Variants in CCNF observed in about 807,000 individuals in gnomAD.
CCNF encodes the protein cyclin F.
CCNF carries 30 observed loss-of-function variants against 85.4 expected under a neutral mutation model. The observed-to-expected ratio is 0.35, with a 90% CI of 0.26 to 0.48. The LOEUF is 0.48. Ranked by LOEUF, CCNF falls within the 20% of genes least tolerant of loss-of-function variation. The probability of loss-of-function intolerance (pLI) is 0.99; values close to 1 mark genes in which losing one functional copy is unlikely to be tolerated. For synonymous variants in CCNF, 439 were observed against 425.1 expected (o/e 1.03, Z -0.40); for missense variants, 919 against 1,010.4 (o/e 0.91, Z 1.23).
rs562145171 is a variant in CCNF, at chr16:2,458,253, C to CTTTTT, written c.*1247_*1251dup. 538 of 130,322 alleles carry CTTTTT rather than the reference C, an allele frequency of 4.1e-3. 4 individuals carry two copies. The highest frequency in any genetic ancestry group is 0.014 in the African/African-American group (501 of 35,142). 8.1% of individuals were successfully genotyped at this position (130,322 alleles called of 1,614,324 possible). On this transcript the variant is annotated 3_prime_UTR_variant, in exon 17 of 17. Coordinates refer to ENST00000397066, the MANE Select transcript of CCNF (RefSeq NM_001761.3). Reference sequence around the variant, plus strand: ...CTTGGCCAGAAGTGTCCCCCAGATGCTTTTTTTTTTTTTTTTTTGGAGACA... The same window carrying CTTTTT: ...CTTGGCCAGAAGTGTCCCCCAGATGCTTTTTTTTTTTTTTTTTTTTTTTGGAGACA...
intron 1 of CCNF, among the ~76,000 whole-genome samples, chr16:2,429,792 C>G (rs534513041): frequency 7.1e-6 from 1 of 141,468 alleles, no homozygotes; most frequent in African/African-American, 3.1e-5. Context: ...CGATCGGGTC[C>G]CGGGGCGGCG....
At chr16:2,430,883 C>T (rs762977300) in intron 1 of CCNF, 3 of 654,074 alleles carry the variant, frequency 4.6e-6, no homozygotes, top group East Asian at 3.0e-5. Flanking sequence ...ACATGACATG[C>T]GCTATTTGCC....
intron 13 of CCNF, 78 bp downstream of exon 13, chr16:2,449,993 G>C: frequency 9.8e-7 from 1 of 1,017,760 alleles, no homozygotes; most frequent in Non-Finnish European, 1.6e-6. Context: ...GATCATTTGA[G>C]GTCAGGAGTT....
At position 2,445,630 on chromosome 16, in the gene CCNF, G is replaced by GC; in HGVS notation, c.1094+13dup. 1 of 1,609,204 alleles carries GC rather than the reference G, an allele frequency of 6.2e-7. No individual in the cohort carries two copies. Among genetic ancestry groups the GC allele is most frequent in the South Asian group, 1.1e-5 (1 of 90,940 alleles). The stretch of plus-strand genomic sequence containing the variant: ...CATGGTCATCTGCACCCGGTGAGAA[G>GC]CCCCCTTGGCCCAGCTGGCAGGGAC... On this transcript the variant is annotated intron_variant, in intron 10 of 16. Coordinates refer to ENST00000397066, the MANE Select transcript of CCNF (RefSeq NM_001761.3).
At chr16:2,455,071 A>C (rs1355730372) in intron 15 of CCNF, among the ~76,000 whole-genome samples, 2 of 151,272 alleles carry the variant, frequency 1.3e-5, no homozygotes, top group African/African-American at 4.9e-5. Context: ...AAAAAAAAAA[A>C]AAAAAAAAAA....
Position 2,432,994 on chromosome 16 carries a change from C to G in CCNF, c.205C>G (p.His69Asp), listed in dbSNP as rs369245530. ...CCAGCTGAAGGACCTGGTGGACAAC[C>G]ACGCCAGTGTGTGGGCATGTGCCAG... ...HSQLKDLVDN[H>D]ASVWACASFQ... is the part of the protein sequence containing the mutation. The change falls in exon 3 of 17, where the codon CAC becomes GAC. Residue 69 changes from histidine (H) to aspartate (D), a missense_variant. His to Asp is a moderately conservative substitution (Grantham distance 81). Around this residue, in one of 3 missense-constraint regions of CCNF, gnomAD observed 410 missense variants for 478.6 expected, o/e 0.86. Coordinates refer to ENST00000397066, the MANE Select transcript of CCNF (RefSeq NM_001761.3). 5 of 1,610,098 alleles carry G rather than the reference C, an allele frequency of 3.1e-6. No homozygotes were observed. The African/African-American group carries it at 5.3e-5, about 17-fold the overall frequency.
rs2065397763 is a variant in CCNF at position 2,451,969 on chromosome 16, C to T, written c.1488-1241C>T. 6.6e-6 allele frequency among the ~76,000 whole-genome samples: 1 copy of T among 152,248 alleles called. No homozygotes were observed. The highest frequency in any genetic ancestry group is 6.5e-5 in the Admixed American group (1 of 15,292). On this transcript the variant is annotated intron_variant, in intron 13 of 16. Transcript: ENST00000397066. The surrounding 1 kb of genome is among the most constrained non-coding windows in gnomAD (Gnocchi z 4.3). ...GCCAACGGCCTGTTGCCTGTTCTGG[C>T]CCTGGTGGGTCGTGGTGCATGAAGC... is the stretch of plus-strand genomic sequence containing the variant.
chr16:2,456,576 C>A lies in CCNF; in HGVS notation c.1917C>A (p.Thr639=). 6.4e-7 allele frequency: 1 copy of A among 1,559,656 alleles called. No individual in the cohort carries two copies. Among genetic ancestry groups the A allele is most frequent in the Admixed American group, 2.0e-5 (1 of 50,440 alleles). The change falls in exon 17 of 17, where the codon ACC becomes ACA. Residue 639 remains threonine, a synonymous_variant. Transcript: ENST00000397066. This position sits in a 1 kb window ranked among gnomAD's most constrained non-coding sequence, Gnocchi z 4.5. Reference sequence around the variant, plus strand: ...CTCCCAGCGGCATCCTCGATGTCACCGTGGTCTACCTGAACCCAGAACAGC... The same window carrying A: ...CTCCCAGCGGCATCCTCGATGTCACAGTGGTCTACCTGAACCCAGAACAGC... ...VTAPSGILDV[T]VVYLNPEQHC...
chr16:2,455,284 A>G, intron 15 of CCNF, 111 bp from the exon 16 acceptor site: 1 of 1,333,134 alleles, frequency 7.5e-7, no homozygotes, highest in Admixed American at 2.8e-5. Context: ...AACCTTTGGG[A>G]GCACGTGGTG....
At chr16:2,443,877 T>TA in intron 9 of CCNF, 77 bp downstream of exon 9, 1 of 1,379,924 alleles carries the variant, frequency 7.2e-7, no homozygotes, top group Non-Finnish European at 1.0e-6. Context: ...CCTTTCCACT[T>TA]AACCCCAGTT....
At position 2,453,143 on chromosome 16, in the gene CCNF, A is replaced by G. The variant is rs2065403973; in HGVS notation, c.1488-67A>G. 7.4e-7 allele frequency: 1 copy of G among 1,359,204 alleles called. No individual in the cohort carries two copies. The highest frequency in any genetic ancestry group is 1.1e-6 in the Non-Finnish European group (1 of 949,082). 84.2% of individuals were successfully genotyped at this position (1,359,204 alleles called of 1,614,324 possible). On this transcript the variant is annotated intron_variant, in intron 13 of 16. Coordinates refer to ENST00000397066, the MANE Select transcript of CCNF (RefSeq NM_001761.3). The surrounding 1 kb of genome is among the most constrained non-coding windows in gnomAD (Gnocchi z 5.6). ...ATTTTGCATTCTCATTGCTCACTTC[A>G]GTGAACTGAAGCTAAAAATGGGGTG...
In CCNF at chr16:2,439,783, G is replaced by A. The variant is rs769252336; in HGVS notation, c.734G>A (p.Arg245Gln). Residue 245 changes from arginine (R) to glutamine (Q), a missense_variant, in exon 8 of 17, where the codon CGA (arginine) becomes CAA (glutamine). Physicochemically the swap from Arg to Gln is conservative, Grantham distance 43. Around this residue, in one of 3 missense-constraint regions of CCNF, gnomAD observed 410 missense variants for 478.6 expected, o/e 0.86. Coordinates refer to ENST00000397066, the MANE Select transcript of CCNF (RefSeq NM_001761.3). ...CCTGGGCGATGCCTCCACAGCTTCC[G>A]AAAACTCAGGGACTACGCTGCCAAA... Reference protein sequence around the residue: ...SDPGRCLHSFRKLRDYAAKGC... With the variant: ...SDPGRCLHSFQKLRDYAAKGC... The A allele has an allele frequency of 3.1e-6, 5 of 1,614,054 alleles. No homozygotes were observed. Among genetic ancestry groups the A allele is most frequent in the Non-Finnish European group, 3.4e-6 (4 of 1,180,022 alleles).
rs755137166 is a variant in CCNF, at chr16:2,453,384, ACCC to A, written c.1588-23_1588-21del. On this transcript the variant is annotated intron_variant, in intron 14 of 16. Transcript: ENST00000397066. This position sits in a 1 kb window ranked among gnomAD's most constrained non-coding sequence, Gnocchi z 5.6. ...CGGGCCTCACCCTCGGGGCCTCTGCACCCCCTAACTCTAGCTTCCCCTCAGGTG... is the reference window on the plus strand; with the variant it reads ...CGGGCCTCACCCTCGGGGCCTCTGCACCTAACTCTAGCTTCCCCTCAGGTG... The A allele has an allele frequency of 1.9e-6, 3 of 1,613,424 alleles. No individual in the cohort carries two copies. Among genetic ancestry groups the A allele is most frequent in the Middle Eastern group, 1.7e-4 (1 of 6,060 alleles).
At chr16:2,431,696 AAAGG>A (rs2065263687) in intron 2 of CCNF, among the ~76,000 whole-genome samples, 1 of 151,520 alleles carries the variant, frequency 6.6e-6, no homozygotes, top group Non-Finnish European at 1.5e-5. Flanking sequence ...AAAAAAAAAA[AAAGG>A]AGGGCAAAAA....
chr16:2,451,157 C>T lies in CCNF; in HGVS notation c.1487+1242C>T, dbSNP rs903157255. ...CATGAAGTCCCTACCGTGGTCCAGG[C>T]GCTGGGGGAGAGGGCAGGACAGAGA... On this transcript the variant is annotated intron_variant, in intron 13 of 16. Transcript: ENST00000397066. This position sits in a 1 kb window ranked among gnomAD's most constrained non-coding sequence, Gnocchi z 4.3. Among the ~76,000 whole-genome samples the T allele has an allele frequency of 6.6e-6, 1 of 152,216 alleles. No homozygotes were observed. The highest frequency in any genetic ancestry group is 6.5e-5 in the Admixed American group (1 of 15,286).
intron 9 of CCNF, among the ~76,000 whole-genome samples, chr16:2,445,081 C>T (rs1336606047): frequency 2.6e-5 from 4 of 152,056 alleles, no homozygotes; most frequent in African/African-American, 7.2e-5. Context: ...CATCATTTAC[C>T]GTATTGGGGC....
At chr16:2,434,806 TTC>T (rs2065279599) in intron 3 of CCNF, among the ~76,000 whole-genome samples, 1 of 152,180 alleles carries the variant, frequency 6.6e-6, no homozygotes, top group African/African-American at 2.4e-5. Flanking sequence ...CTAATTGATT[TTC>T]TGTCTCTCCG....
At chr16:2,440,740 C>T (rs919187126) in intron 8 of CCNF, among the ~76,000 whole-genome samples, 1 of 152,110 alleles carries the variant, frequency 6.6e-6, no homozygotes, top group Non-Finnish European at 1.5e-5. Context: ...GATAATGGCC[C>T]AGCCCGAGGT....
chr16:2,457,625 C>T lies in CCNF; in HGVS notation c.*605C>T, dbSNP rs954830419. ...GGCCCACTCCCTACGACACGTGACT[C>T]GTTTTAGAGCTCTGTCCCAGAGGCG... is the stretch of plus-strand genomic sequence containing the variant. On this transcript the variant is annotated 3_prime_UTR_variant, in exon 17 of 17. Transcript: ENST00000397066. The T allele has an allele frequency of 2.6e-5, 4 of 152,436 alleles. No individual in the cohort carries two copies. The highest frequency in any genetic ancestry group is 5.9e-5 in the Non-Finnish European group (4 of 68,194). The allele number at this position is 152,436 out of a possible 1,614,324, so 9.4% of individuals were successfully genotyped here. A position where few individuals can be genotyped will look rare whatever the true frequency, so the allele number is the denominator to read the frequency against.
Sources: gnomAD v4.1 joint callset for allele counts (sites outside exome capture counted in the v4.1 genomes callset) on GRCh38, gnomAD v4.1.1 for gene constraint, gnomAD v4.1.1 regional missense constraint, Gnocchi (gnomAD v3.1) non-coding constraint, MANE v1.5 for transcripts, NCBI Gene and HGNC (gene_info 2026-07-23, HGNC 2026-07-21) for gene names.